WDFY4: variants seen among roughly 807,000 people sequenced by gnomAD.
WDFY4 encodes WDFY family member 4, also known as WD repeat- and FYVE domain-containing protein 4.
WDFY4 carries 169 observed loss-of-function variants against 351.9 expected under a neutral mutation model. That is an observed-to-expected ratio of 0.48 (90% confidence interval 0.42 to 0.55). WDFY4 has a LOEUF of 0.55. Ranked by LOEUF, WDFY4 falls within the 20% of genes least tolerant of loss-of-function variation. The pLI is 0.00. For synonymous variants in WDFY4, 1,622 were observed against 1,574.6 expected (o/e 1.03, Z -0.71); for missense variants, 3,803 against 3,935.6 (o/e 0.97, Z 0.90).
intron 47 of WDFY4, chr10:48,913,357 T>C (rs749793225): frequency 2.6e-5 from 42 of 1,589,826 alleles, no homozygotes; most frequent in Admixed American, 3.4e-5. Flanking sequence ...TCCCTCTCTC[T>C]TTCCCTTCTG....
intron 11 of WDFY4, among the ~76,000 whole-genome samples, chr10:48,741,235 T>C (rs1220810927): frequency 2.6e-5 from 4 of 152,118 alleles, no homozygotes; most frequent in Non-Finnish European, 5.9e-5. Context: ...TGTAGTGGAA[T>C]ATAACATTAG....
intron 36 of WDFY4, among the ~76,000 whole-genome samples, chr10:48,828,394 G>A (rs1415062769): frequency 6.6e-6 from 1 of 152,194 alleles, no homozygotes; most frequent in Admixed American, 6.5e-5. Context: ...CGCCCATGAA[G>A]CCAACCCTGG....
In WDFY4 at chr10:48,743,388, C is replaced by T. The variant is rs2064914898; in HGVS notation, c.2299C>T (p.Leu767Phe). 6.4e-7 allele frequency: 1 copy of T among 1,551,524 alleles called. No homozygotes were observed. The highest frequency in any genetic ancestry group is 8.7e-7 in the Non-Finnish European group (1 of 1,147,010). The change falls in exon 12 of 62, where the codon CTT becomes TTT. Residue 767 changes from leucine (L) to phenylalanine (F), a missense_variant. By Grantham distance (22) the Leu-to-Phe change is conservative. Transcript: ENST00000325239. ...CCGGATACAGAGCTGCCTCCAGATC[C>T]TTGGCTTTCTGGACAGCATGGCCAG... ...PPRIQSCLQI[L>F]GFLDSMASGT...
Position 48,806,115 on chromosome 10 carries a change from T to A in WDFY4, c.4738+20T>A, listed in dbSNP as rs996573089. 2.6e-6 allele frequency: 4 copies of A among 1,550,844 alleles called. No individual in the cohort carries two copies. In the African/African-American group the frequency reaches 5.5e-5, roughly 21 times the overall value. On this transcript the variant is annotated intron_variant, in intron 27 of 61. Coordinates refer to ENST00000325239, the MANE Select transcript of WDFY4 (RefSeq NM_001394531.1). ...TGCCTGGTGAGAAGACCTTTGCCAG[T>A]TCGAAGGCAGTAGGACGGCCCTCAC...
At chr10:48,916,817 C>A (rs1838580578) in intron 47 of WDFY4, among the ~76,000 whole-genome samples, 1 of 75,602 alleles carries the variant, frequency 1.3e-5, no homozygotes, top group African/African-American at 4.4e-5. Flanking sequence ...AATGGAATAA[C>A]CTACTACAGA....
chr10:48,968,563 G>A, intron 55 of WDFY4: 1 of 161,122 alleles, frequency 6.2e-6, no homozygotes. Context: ...GGTATGGTGT[G>A]CACAGTCTTA....
In WDFY4 at chr10:48,879,143, G is replaced by A. The variant is rs1014488643; in HGVS notation, c.7167+1944G>A. The stretch of plus-strand genomic sequence containing the variant: ...TGTCCATTGAAAAAACAGCTAAGAC[G>A]TCAATGCTTTCTTTCCTTAAAAACT... On this transcript the variant is annotated intron_variant, in intron 43 of 61. Transcript: ENST00000325239. 7.2e-5 allele frequency among the ~76,000 whole-genome samples: 11 copies of A among 152,192 alleles called. No individual in the cohort carries two copies. In the South Asian group the frequency reaches 1.0e-3, roughly 14 times the overall value.
intron 47 of WDFY4, among the ~76,000 whole-genome samples, chr10:48,924,625 T>G (rs1279441112): frequency 1.3e-5 from 2 of 152,258 alleles, no homozygotes; most frequent in South Asian, 4.1e-4. Context: ...TGTACAATTT[T>G]TTTTTATACT....
chr10:48,852,879 G>T (rs1398445462), intron 39 of WDFY4, among the ~76,000 whole-genome samples: 1 of 152,082 alleles, frequency 6.6e-6, no homozygotes, highest in East Asian at 1.9e-4. Flanking sequence ...CCACTGCCAA[G>T]CTCCCCTCAG....
At chr10:48,767,091 A>G (rs932757864) in intron 13 of WDFY4, among the ~76,000 whole-genome samples, 2 of 152,258 alleles carry the variant, frequency 1.3e-5, no homozygotes, top group East Asian at 1.9e-4. Context: ...TAATCAGTGC[A>G]TGATGCAGTA....
chr10:48,815,734 C>CT lies in WDFY4; in HGVS notation c.5341-1500dup, dbSNP rs539434729. 6.5e-4 allele frequency among the ~76,000 whole-genome samples: 95 copies of CT among 146,638 alleles called. 1 individual carries two copies. The highest frequency in any genetic ancestry group is 1.2e-3 in the Admixed American group (17 of 14,682). ...TAGCACACAGTTAGATAATCCTATG[C>CT]TTTTTTTTTTTCTTTTAGCCAGTTT... On this transcript the variant is annotated intron_variant, in intron 31 of 61. Coordinates refer to ENST00000325239, the MANE Select transcript of WDFY4 (RefSeq NM_001394531.1).
chr10:48,710,520 G>A (rs1333396022), intron 2 of WDFY4, among the ~76,000 whole-genome samples: 2 of 152,180 alleles, frequency 1.3e-5, no homozygotes, highest in African/African-American at 4.8e-5. Context: ...GAGTAATACT[G>A]TCTCTTTAGT....
At chr10:48,887,178 G>A (rs1297203148) in intron 43 of WDFY4, among the ~76,000 whole-genome samples, 1 of 152,252 alleles carries the variant, frequency 6.6e-6, no homozygotes, top group Non-Finnish European at 1.5e-5. Context: ...CTGAGACCCT[G>A]GTGCAGGCAC....
intron 47 of WDFY4, among the ~76,000 whole-genome samples, chr10:48,926,157 C>T (rs112667505): frequency 2.6e-5 from 4 of 152,240 alleles, no homozygotes; most frequent in African/African-American, 9.6e-5. Context: ...CCACTGCCTC[C>T]CGGGAGAGGA....
chr10:48,706,812 G>T (rs1009405554), intron 1 of WDFY4, among the ~76,000 whole-genome samples: 1 of 152,140 alleles, frequency 6.6e-6, no homozygotes, highest in Non-Finnish European at 1.5e-5. Flanking sequence ...TTTTTTTATA[G>T]TACTGAATAA....
intron 24 of WDFY4, among the ~76,000 whole-genome samples, chr10:48,800,914 G>A (rs1012333180): frequency 6.6e-6 from 1 of 151,694 alleles, no homozygotes; most frequent in African/African-American, 2.4e-5. Flanking sequence ...TTTATATTTA[G>A]TAGAGAAGGG....
intron 47 of WDFY4, among the ~76,000 whole-genome samples, chr10:48,915,306 G>A (rs1838413978): frequency 1.3e-5 from 2 of 152,152 alleles, no homozygotes; most frequent in Non-Finnish European, 2.9e-5. Flanking sequence ...TAGCGAGACT[G>A]AGGCTCAGAA....
At chr10:48,883,169 T>C (rs12769580) in intron 43 of WDFY4, among the ~76,000 whole-genome samples, 19,799 of 152,240 alleles carry the variant, frequency 0.13, 1,435 homozygotes, top group Middle Eastern at 0.21. Flanking sequence ...CCTTCAGGTC[T>C]CTCACCAACA....
Position 48,760,450 on chromosome 10 carries a change from G to A in WDFY4, c.2553+10G>A, listed in dbSNP as rs749409484. The A allele has an allele frequency of 6.1e-5, 95 of 1,551,380 alleles. No homozygotes were observed. The South Asian group carries it at 1.1e-3, about 17-fold the overall frequency. On this transcript the variant is annotated intron_variant, in intron 13 of 61. Transcript: ENST00000325239. The stretch of plus-strand genomic sequence containing the variant: ...TGAAGATCACCCACAGGTACCTGGT[G>A]TTGAATATGTGTGTTTTGTCATCTT...
Sources: gnomAD v4.1 joint callset for allele counts (sites outside exome capture counted in the v4.1 genomes callset) on GRCh38, gnomAD v4.1.1 for gene constraint, MANE v1.5 for transcripts, NCBI Gene and HGNC (gene_info 2026-07-23, HGNC 2026-07-21) for gene names.